The following ZBTB21 variants were observed in gnomAD, a reference collection of about 807,000 sequenced individuals.
ZBTB21 encodes the protein zinc finger and BTB domain-containing protein 21.
ZBTB21 carries 10 observed loss-of-function variants against 39.8 expected under a neutral mutation model. The observed-to-expected ratio is 0.25, with a 90% CI of 0.16 to 0.43. ZBTB21 has a LOEUF of 0.43. Ranked by LOEUF, ZBTB21 falls within the 20% of genes least tolerant of loss-of-function variation. ZBTB21 has a pLI of 1.00. For missense variants in ZBTB21, 1,221 were observed against 1,296.3 expected (o/e 0.94, Z 0.89); for synonymous variants, 551 against 498.8 (o/e 1.10, Z -1.40).
intron 2 of ZBTB21, among the ~76,000 whole-genome samples, chr21:41,994,599 C>G (rs62216705): frequency 0.25 from 38,326 of 151,928 alleles, 5,024 homozygotes; most frequent in Non-Finnish European, 0.29. Flanking sequence ...CTTGTGAGAC[C>G]CTTGTTTTTA....
At chr21:42,002,039 G>A (rs1016897084) in intron 2 of ZBTB21, among the ~76,000 whole-genome samples, 7 of 152,146 alleles carry the variant, frequency 4.6e-5, no homozygotes, top group African/African-American at 1.7e-4. Flanking sequence ...GAGGCTGGAG[G>A]AAGATGGAGG....
intron 1 of ZBTB21, among the ~76,000 whole-genome samples, chr21:42,005,100 T>G (rs950135788): frequency 1.3e-5 from 2 of 152,210 alleles, no homozygotes; most frequent in Non-Finnish European, 2.9e-5. Flanking sequence ...CTTGGCCACA[T>G]TCAGGAGAAT....
intron 2 of ZBTB21, among the ~76,000 whole-genome samples, chr21:41,998,535 T>G (rs1284336253): frequency 2.6e-5 from 4 of 152,200 alleles, no homozygotes; most frequent in Admixed American, 6.5e-5. Flanking sequence ...CAAATATTGT[T>G]AAGACATTTA....
intron 1 of ZBTB21, among the ~76,000 whole-genome samples, chr21:42,009,799 G>T (rs904543871): frequency 6.6e-6 from 1 of 151,936 alleles, no homozygotes. Flanking sequence ...CAGCTTCCGC[G>T]CACACCCCGC....
chr21:42,006,275 T>C lies in ZBTB21; in HGVS notation c.-78-3314A>G, dbSNP rs750601123. On this transcript the variant is annotated intron_variant, in intron 1 of 2. Coordinates refer to ENST00000310826, the MANE Select transcript of ZBTB21 (RefSeq NM_001098402.2). ...ACTAAAAATACGAAAATTAGCCGGG[T>C]GTGGTGACGGGCGCCTGTAATCCCA... is the stretch of plus-strand genomic sequence containing the variant. Among the ~76,000 whole-genome samples, 5 of 151,754 alleles carry C rather than the reference T, an allele frequency of 3.3e-5. No homozygotes were observed. The East Asian group carries it at 5.8e-4, about 18-fold the overall frequency.
chr21:41,992,590 G>A lies in ZBTB21; in HGVS notation c.1506C>T (p.His502=), dbSNP rs141677701. ...AATTATCTTCTGACACAGGAGACCC[G>A]TGCTCATTCACCTTTAACTTCTTAA... ...LPFKKLKVNE[H]GSPVSEDNFE... The change falls in exon 3 of 3, where the codon CAC becomes CAT. Residue 502 remains histidine (H), a synonymous_variant. Coordinates refer to ENST00000310826, the MANE Select transcript of ZBTB21 (RefSeq NM_001098402.2). The surrounding 1 kb of genome is among the most constrained non-coding windows in gnomAD (Gnocchi z 4.1). 5.8e-5 allele frequency: 94 copies of A among 1,614,144 alleles called. No homozygotes were observed. The highest frequency in any genetic ancestry group is 3.7e-4 in the African/African-American group (28 of 75,024).
chr21:42,001,546 A>C (rs2065818013), intron 2 of ZBTB21, among the ~76,000 whole-genome samples: 1 of 152,240 alleles, frequency 6.6e-6, no homozygotes, highest in South Asian at 2.1e-4. Flanking sequence ...AGTATAGATG[A>C]CAGGCATCAG....
rs775112741 is a variant in ZBTB21 at position 41,991,452 on chromosome 21, G to C, written c.2644C>G (p.Pro882Ala). ...KQLKIQVKEE[P>A]VEEAEEEAPE... is the part of the protein sequence containing the mutation. ...GCCTCTTCTTCAGCCTCCTCCACAG[G>C]CTCCTCTTTGACTTGGATTTTCAGT... The change falls in exon 3 of 3, where the codon CCT (proline) becomes GCT (alanine). Residue 882 changes from proline (P) to alanine (A), a missense_variant. By Grantham distance (27) the Pro-to-Ala change is conservative (BLOSUM62 -1). This residue lies in a region of ZBTB21 where 523 missense variants were observed against 542.5 expected (regional missense o/e 0.96). Coordinates refer to ENST00000310826, the MANE Select transcript of ZBTB21 (RefSeq NM_001098402.2). The surrounding 1 kb of genome is among the most constrained non-coding windows in gnomAD (Gnocchi z 4.9). The C allele has an allele frequency of 6.2e-7, 1 of 1,614,048 alleles. No homozygotes were observed. Among genetic ancestry groups the C allele is most frequent in the East Asian group, 2.2e-5 (1 of 44,886 alleles).
Position 41,992,431 on chromosome 21 carries a change from A to G in ZBTB21, c.1665T>C (p.Phe555=), listed in dbSNP as rs901769664. Residue 555 remains phenylalanine, a synonymous_variant, in exon 3 of 3, where the codon TTT becomes TTC. Coordinates refer to ENST00000310826, the MANE Select transcript of ZBTB21 (RefSeq NM_001098402.2). The surrounding 1 kb of genome is among the most constrained non-coding windows in gnomAD (Gnocchi z 4.1). ...KFKCKHCLKI[F]RSTAGLHRHV... Reference sequence around the variant, plus strand: ...GACGGTGAAGACCTGCTGTTGATCTAAAGATCTTAAGGCAATGTTTGCATT... The same window carrying G: ...GACGGTGAAGACCTGCTGTTGATCTGAAGATCTTAAGGCAATGTTTGCATT... 1.3e-5 allele frequency: 21 copies of G among 1,614,012 alleles called. No homozygotes were observed. Among genetic ancestry groups the G allele is most frequent in the Non-Finnish European group, 1.7e-5 (20 of 1,180,028 alleles).
At position 41,992,497 on chromosome 21, in the gene ZBTB21, T is replaced by C. The variant is rs1291990981; in HGVS notation, c.1599A>G (p.Glu533=). The C allele has an allele frequency of 6.2e-7, 1 of 1,614,198 alleles. No individual in the cohort carries two copies. The highest frequency in any genetic ancestry group is 8.5e-7 in the Non-Finnish European group (1 of 1,180,038). Reference sequence around the variant, plus strand: ...GTCTCGTCCCCTCCAACTCACCAAATTCGTCTTTATTCAAATCAGAATCTG... The same window carrying C: ...GTCTCGTCCCCTCCAACTCACCAAACTCGTCTTTATTCAAATCAGAATCTG... ...DFPDSDLNKD[E]FGELEGTRPN... is the part of the protein sequence containing the mutation. Residue 533 remains glutamate, a synonymous_variant, in exon 3 of 3, where the codon GAA becomes GAG. Transcript: ENST00000310826. This position sits in a 1 kb window ranked among gnomAD's most constrained non-coding sequence, Gnocchi z 4.1.
Position 41,991,935 on chromosome 21 carries a change from C to A in ZBTB21, c.2161G>T (p.Val721Phe), listed in dbSNP as rs1202145282. 4 of 1,613,968 alleles carry A rather than the reference C, an allele frequency of 2.5e-6. No individual in the cohort carries two copies. The African/African-American group carries it at 4.0e-5, about 16-fold the overall frequency. ...PLASPVENKE[V>F]YQCRLCNAKL... is the part of the protein sequence containing the mutation. ...GCATTACAGAGGCGGCACTGGTAAACCTCCTTGTTTTCTACTGGACTTGCA... is the reference window on the plus strand; with the variant it reads ...GCATTACAGAGGCGGCACTGGTAAAACTCCTTGTTTTCTACTGGACTTGCA... Residue 721 changes from valine (V) to phenylalanine (F), a missense_variant, in exon 3 of 3, where the codon GTT (valine) becomes TTT (phenylalanine). By Grantham distance (50) the Val-to-Phe change is conservative. Coordinates refer to ENST00000310826, the MANE Select transcript of ZBTB21 (RefSeq NM_001098402.2). This position sits in a 1 kb window ranked among gnomAD's most constrained non-coding sequence, Gnocchi z 4.9.
intron 1 of ZBTB21, among the ~76,000 whole-genome samples, chr21:42,007,315 A>G (rs1413309064): frequency 1.3e-5 from 2 of 152,350 alleles, no homozygotes; most frequent in East Asian, 3.9e-4. Flanking sequence ...AGTAAAGCGT[A>G]TTACATCACT....
chr21:42,008,540 CAAAAAAAAAAA>C (rs68176203), intron 1 of ZBTB21, among the ~76,000 whole-genome samples: 1,757 of 60,386 alleles, frequency 0.029, 61 homozygotes, highest in African/African-American at 0.098. Context: ...GAAACTCTGT[CAAAAAAAAAAA>C]AAAAAAAAAA....
In ZBTB21 at chr21:41,992,498, T is replaced by G; in HGVS notation, c.1598A>C (p.Glu533Ala). The G allele has an allele frequency of 6.2e-7, 1 of 1,614,216 alleles. No homozygotes were observed. The highest frequency in any genetic ancestry group is 8.5e-7 in the Non-Finnish European group (1 of 1,180,044). ...DFPDSDLNKD[E>A]FGELEGTRPN... ...TCTCGTCCCCTCCAACTCACCAAAT[T>G]CGTCTTTATTCAAATCAGAATCTGG... Residue 533 changes from glutamate to alanine, a missense_variant, in exon 3 of 3, where the codon GAA becomes GCA. Glu to Ala is a moderately radical substitution (Grantham distance 107). This residue lies in a region of ZBTB21 where 90 missense variants were observed against 133.1 expected (regional missense o/e 0.68). Coordinates refer to ENST00000310826, the MANE Select transcript of ZBTB21 (RefSeq NM_001098402.2). This position sits in a 1 kb window ranked among gnomAD's most constrained non-coding sequence, Gnocchi z 4.1.
At chr21:41,998,479 C>T (rs2065778722) in intron 2 of ZBTB21, among the ~76,000 whole-genome samples, 1 of 152,248 alleles carries the variant, frequency 6.6e-6, no homozygotes, top group Admixed American at 6.5e-5. Context: ...GTGTGAGCCA[C>T]CACAGCTGGC....
intron 2 of ZBTB21, 132 bp downstream of exon 2, chr21:42,002,765 G>A (rs1179759495): frequency 6.6e-6 from 1 of 152,170 alleles, no homozygotes; most frequent in Non-Finnish European, 1.5e-5. Flanking sequence ...CAGTCATGGT[G>A]GAAAAACCTT....
Position 41,989,511 on chromosome 21 carries a change from C to T in ZBTB21, c.*1384G>A, listed in dbSNP as rs2065622447. 1 of 152,026 alleles carries T rather than the reference C, an allele frequency of 6.6e-6. No individual in the cohort carries two copies. Among genetic ancestry groups the T allele is most frequent in the Non-Finnish European group, 1.5e-5 (1 of 67,948 alleles). The allele number at this position is 152,026 out of a possible 1,614,324, so 9.4% of individuals were successfully genotyped here. A position where few individuals can be genotyped will look rare whatever the true frequency, so the allele number is the denominator to read the frequency against. Reference sequence around the variant, plus strand: ...TTTCGTTTTTTTAATACATCTAACTCCCACCCCCACAAGTAAAAGTTTTCC... The same window carrying T: ...TTTCGTTTTTTTAATACATCTAACTTCCACCCCCACAAGTAAAAGTTTTCC... On this transcript the variant is annotated 3_prime_UTR_variant, in exon 3 of 3. Coordinates refer to ENST00000310826, the MANE Select transcript of ZBTB21 (RefSeq NM_001098402.2).
chr21:42,004,160 T>A (rs1253594534), intron 1 of ZBTB21, among the ~76,000 whole-genome samples: 1 of 151,982 alleles, frequency 6.6e-6, no homozygotes, highest in Non-Finnish European at 1.5e-5. Context: ...CCACCAGGAC[T>A]GGCTAATTTT....
At chr21:42,000,345 G>T (rs1431758093) in intron 2 of ZBTB21, among the ~76,000 whole-genome samples, 1 of 152,182 alleles carries the variant, frequency 6.6e-6, no homozygotes, top group Middle Eastern at 3.4e-3. Flanking sequence ...TGCTTCCTGG[G>T]ATCAGTTCCC....
Sources: gnomAD v4.1 joint callset for allele counts (sites outside exome capture counted in the v4.1 genomes callset) on GRCh38, gnomAD v4.1.1 for gene constraint, gnomAD v4.1.1 regional missense constraint, Gnocchi (gnomAD v3.1) non-coding constraint, MANE v1.5 for transcripts, NCBI Gene and HGNC (gene_info 2026-07-23, HGNC 2026-07-21) for gene names.